KIF13B: variants seen among roughly 807,000 people sequenced by gnomAD.
KIF13B encodes kinesin-like protein KIF13B.
KIF13B carries 127 observed loss-of-function variants against 222.0 expected under a neutral mutation model. That is an observed-to-expected ratio of 0.57 (90% CI 0.50 to 0.66). KIF13B has a LOEUF of 0.66. Among genes scored for constraint, KIF13B ranks in the 30% least tolerant of loss-of-function variants. The pLI is 0.00. For synonymous variants in KIF13B, 976 were observed against 919.0 expected (o/e 1.06, Z -1.12); for missense variants, 2,173 against 2,379.0 (o/e 0.91, Z 1.80).
At chr8:29,126,133 T>TAGTC (rs1196316841) in intron 26 of KIF13B, among the ~76,000 whole-genome samples, 2 of 151,084 alleles carry the variant, frequency 1.3e-5, no homozygotes, top group African/African-American at 4.9e-5. Flanking sequence ...CACCTAGTGT[T>TAGTC]GACTAAAGCT....
intron 35 of KIF13B, among the ~76,000 whole-genome samples, chr8:29,102,486 A>C (rs1808838495): frequency 6.6e-6 from 1 of 152,218 alleles, no homozygotes; most frequent in Non-Finnish European, 1.5e-5. Context: ...ACTGGTAGGC[A>C]GCACCATGCT....
chr8:29,184,583 C>T (rs1222768797), intron 6 of KIF13B, among the ~76,000 whole-genome samples: 10 of 152,052 alleles, frequency 6.6e-5, no homozygotes, highest in Admixed American at 5.9e-4. Flanking sequence ...TATGCAAATC[C>T]GAAGCTCTTC....
chr8:29,124,480 G>A (rs1461114761), intron 26 of KIF13B, among the ~76,000 whole-genome samples: 1 of 152,166 alleles, frequency 6.6e-6, no homozygotes, highest in Non-Finnish European at 1.5e-5. Flanking sequence ...GGGCGTGGTG[G>A]CTCACACTTG....
At chr8:29,130,258 T>C (rs1810286254) in intron 24 of KIF13B, among the ~76,000 whole-genome samples, 1 of 152,210 alleles carries the variant, frequency 6.6e-6, no homozygotes, top group Non-Finnish European at 1.5e-5. Flanking sequence ...ACACCCATAA[T>C]TCCAACACTT....
chr8:29,106,992 C>T (rs917366926), intron 35 of KIF13B, among the ~76,000 whole-genome samples: 2 of 152,144 alleles, frequency 1.3e-5, no homozygotes, highest in Non-Finnish European at 2.9e-5. Flanking sequence ...GCACAAACTA[C>T]GATGTGTGGT....
chr8:29,186,840 G>A lies in KIF13B; in HGVS notation c.317-368C>T, dbSNP rs558750079. ...AAAAATTAGCCATGCGTGACGGCAC[G>A]TGCTTGTAGTCCCAGCTACTCGGGA... is the stretch of plus-strand genomic sequence containing the variant. On this transcript the variant is annotated intron_variant, in intron 5 of 39. Transcript: ENST00000524189. Among the ~76,000 whole-genome samples the A allele has an allele frequency of 9.2e-5, 14 of 151,644 alleles. No homozygotes were observed. In the South Asian group the frequency reaches 1.5e-3, roughly 16 times the overall value.
At chr8:29,214,177 G>A (rs549386014) in intron 2 of KIF13B, among the ~76,000 whole-genome samples, 116 of 152,218 alleles carry the variant, frequency 7.6e-4, no homozygotes, top group African/African-American at 2.8e-3. Context: ...CTTAGGCTAC[G>A]CTAAATTTAT....
intron 37 of KIF13B, among the ~76,000 whole-genome samples, chr8:29,081,641 T>C (rs1807815165): frequency 6.6e-6 from 1 of 152,250 alleles, no homozygotes; most frequent in African/African-American, 2.4e-5. Context: ...TATGACAGTA[T>C]TTTCAATACA....
At chr8:29,139,572 C>T (rs1810715262) in intron 21 of KIF13B, among the ~76,000 whole-genome samples, 3 of 152,216 alleles carry the variant, frequency 2.0e-5, no homozygotes, top group South Asian at 2.1e-4. Context: ...TCCAGCTTCC[C>T]GCTACCTTGT....
intron 1 of KIF13B, among the ~76,000 whole-genome samples, chr8:29,255,153 T>A (rs193236441): frequency 1.7e-4 from 26 of 152,332 alleles, no homozygotes; most frequent in African/African-American, 5.5e-4. Context: ...GGAGACTGAC[T>A]GCTAACAGTT....
chr8:29,206,188 G>C (rs35993336), intron 2 of KIF13B, among the ~76,000 whole-genome samples: 7,173 of 152,244 alleles, frequency 0.047, 359 homozygotes, highest in African/African-American at 0.12. Context: ...ACTTTCGGAG[G>C]CCAAGGCGGG....
Position 29,108,119 on chromosome 8 carries a change from G to GAAATA in KIF13B, c.4215+15_4215+19dup, listed in dbSNP as rs1809179194. The stretch of plus-strand genomic sequence containing the variant: ...GGAAATGGGACTTAAAACACTGATA[G>GAAATA]AAATAGTTAAAACACCTACCTTGTT... On this transcript the variant is annotated intron_variant, in intron 35 of 39. Transcript: ENST00000524189. The GAAATA allele has an allele frequency of 3.1e-6, 5 of 1,597,554 alleles. No individual in the cohort carries two copies. Among genetic ancestry groups the GAAATA allele is most frequent in the Middle Eastern group, 1.7e-4 (1 of 6,058 alleles).
At chr8:29,227,447 AC>A (rs1815074623) in intron 2 of KIF13B, among the ~76,000 whole-genome samples, 1 of 151,954 alleles carries the variant, frequency 6.6e-6, no homozygotes, top group Non-Finnish European at 1.5e-5. Flanking sequence ...CCACCACCAC[AC>A]CCGGCTAATT....
intron 2 of KIF13B, among the ~76,000 whole-genome samples, chr8:29,236,567 T>TTAC (rs199862028): frequency 0.015 from 2,218 of 152,310 alleles, 30 homozygotes; most frequent in African/African-American, 0.036. Context: ...AACAAAAGGA[T>TTAC]TACTGACTTG....
At chr8:29,200,328 A>G (rs1255577002) in intron 2 of KIF13B, among the ~76,000 whole-genome samples, 1 of 152,192 alleles carries the variant, frequency 6.6e-6, no homozygotes, top group East Asian at 1.9e-4. Context: ...TTAATTAGAA[A>G]CCTCAACTAT....
At chr8:29,235,768 A>G (rs1815480620) in intron 2 of KIF13B, among the ~76,000 whole-genome samples, 2 of 152,232 alleles carry the variant, frequency 1.3e-5, no homozygotes, top group Non-Finnish European at 2.9e-5. Context: ...GAAAGAGATT[A>G]CAGGAAGCAG....
chr8:29,182,148 T>A (rs1377222454), intron 6 of KIF13B, 142 bp from the exon 7 acceptor site: 1 of 565,952 alleles, frequency 1.8e-6, no homozygotes, highest in Non-Finnish European at 3.1e-6. Context: ...CAGAAGAATT[T>A]AAACCAAACT....
Position 29,142,160 on chromosome 8 carries a change from G to A in KIF13B, c.2331C>T (p.Asn777=), listed in dbSNP as rs758192831. 1.9e-6 allele frequency: 3 copies of A among 1,611,660 alleles called. No individual in the cohort carries two copies. In the Admixed American group the frequency reaches 5.0e-5, roughly 27 times the overall value. Residue 777 remains asparagine, a synonymous_variant, in exon 19 of 40, where the codon AAC becomes AAT. Coordinates refer to ENST00000524189, the MANE Select transcript of KIF13B (RefSeq NM_015254.4). ...GATTTTCTCTTAAATAACTTACTGG[G>A]TTATCTTCTTCACACTCTTTCCACT... ...YQEWKECEED[N]PVIRSYFKRA...
At chr8:29,228,244 T>C (rs1363791374) in intron 2 of KIF13B, among the ~76,000 whole-genome samples, 1 of 151,282 alleles carries the variant, frequency 6.6e-6, no homozygotes, top group Non-Finnish European at 1.5e-5. Context: ...GGCAGGTGGA[T>C]CACAAGGTCA....
Sources: allele counts gnomAD v4.1 joint callset (sites outside exome capture counted in the v4.1 genomes callset), GRCh38; gene constraint gnomAD v4.1.1; transcripts MANE v1.5; gene names NCBI Gene and HGNC (gene_info 2026-07-23, HGNC 2026-07-21).